UNC13B: variants seen among roughly 807,000 people sequenced by gnomAD.
UNC13B encodes protein unc-13 homolog B.
Under a neutral mutation model 211.0 loss-of-function variants are expected in UNC13B, and 144 were observed. That is an observed-to-expected ratio of 0.68 (90% CI 0.60 to 0.78). The LOEUF (loss-of-function observed/expected upper bound fraction) is 0.78, where lower values mean the gene tolerates loss of function less well. Ranked by LOEUF, UNC13B falls within the 30% of genes least tolerant of loss-of-function variation. UNC13B has a pLI of 0.00. For synonymous variants in UNC13B, 709 were observed against 725.8 expected, an observed-to-expected ratio of 0.98 and a Z score of 0.37; for missense variants, 1,777 against 2,002.0, an observed-to-expected ratio of 0.89 and a Z score of 2.14.
intron 6 of UNC13B, among the ~76,000 whole-genome samples, chr9:35,257,206 C>A (rs764227585): frequency 4.0e-4 from 61 of 151,418 alleles, no homozygotes; most frequent in Non-Finnish European, 6.5e-4. Flanking sequence ...CACCTGTAAT[C>A]CCAGCACTTT....
At chr9:35,347,976 A>G (rs1383634321) in intron 11 of UNC13B, among the ~76,000 whole-genome samples, 2 of 152,120 alleles carry the variant, frequency 1.3e-5, no homozygotes, top group Non-Finnish European at 2.9e-5. Context: ...GGTGGCTCAC[A>G]CCTGTAATCC....
intron 6 of UNC13B, among the ~76,000 whole-genome samples, chr9:35,245,310 C>G (rs970370616): frequency 5.3e-5 from 8 of 150,816 alleles, no homozygotes; most frequent in African/African-American, 1.9e-4. Context: ...CTGTGGTTCC[C>G]AACTGCATAT....
intron 6 of UNC13B, among the ~76,000 whole-genome samples, chr9:35,246,101 G>GT (rs1177036658): frequency 6.6e-6 from 1 of 152,170 alleles, no homozygotes; most frequent in Non-Finnish European, 1.5e-5. Context: ...CTGATGGCCA[G>GT]TGATGATGAG....
chr9:35,200,980 G>A (rs1029178156), intron 1 of UNC13B, among the ~76,000 whole-genome samples: 2 of 152,130 alleles, frequency 1.3e-5, no homozygotes, highest in African/African-American at 2.4e-5. Flanking sequence ...GTTTGTCATA[G>A]ATAGCTCTTA....
At chr9:35,297,901 T>C (rs962547674) in intron 8 of UNC13B, among the ~76,000 whole-genome samples, 2 of 152,008 alleles carry the variant, frequency 1.3e-5, no homozygotes, top group African/African-American at 4.8e-5. Flanking sequence ...GGTTAAAAAA[T>C]TTGGTATATG....
chr9:35,247,587 C>A (rs937220305), intron 6 of UNC13B, among the ~76,000 whole-genome samples: 43 of 152,210 alleles, frequency 2.8e-4, no homozygotes, highest in African/African-American at 9.6e-4. Flanking sequence ...TTGTCAAAGA[C>A]CTTTTCTGCA....
rs140824290 is a variant in UNC13B, at chr9:35,310,581, G to A, written c.9123G>A (p.Ser3041=). Residue 3041 remains serine, a synonymous_variant, in exon 10 of 40, where the codon TCG becomes TCA. Coordinates refer to ENST00000635942, the MANE Select transcript of UNC13B (RefSeq NM_001371189.2). ...ATGACGACCATCGGGAGACGGACTC[G>A]ATTCATTCTTGCCACAGCTCTCACA... The part of the protein sequence containing the change: ...EQDDDHRETD[S]IHSCHSSHSL... 26 of 1,614,020 alleles carry A rather than the reference G, an allele frequency of 1.6e-5. No homozygotes were observed. The highest frequency in any genetic ancestry group is 1.0e-4 in the Admixed American group (6 of 59,996).
chr9:35,292,948 A>G (rs1829167776), intron 7 of UNC13B, among the ~76,000 whole-genome samples: 1 of 152,266 alleles, frequency 6.6e-6, no homozygotes. Flanking sequence ...TCAGTGACAC[A>G]TTAAAAACAC....
chr9:35,237,865 T>C (rs576466584), intron 5 of UNC13B, 39 bp downstream of exon 5: 17 of 1,572,344 alleles, frequency 1.1e-5, no homozygotes, highest in Non-Finnish European at 1.4e-5. Flanking sequence ...ATTTTTACCA[T>C]ATTGTTTGGA....
intron 26 of UNC13B, among the ~76,000 whole-genome samples, chr9:35,391,309 T>C (rs1835517962): frequency 6.6e-6 from 1 of 152,258 alleles, no homozygotes; most frequent in Non-Finnish European, 1.5e-5. Context: ...TAGACCTTCC[T>C]ATCTGTACCC....
In UNC13B at chr9:35,386,076, A is replaced by T. The variant is rs1457377311; in HGVS notation, c.10966-89A>T. ...CTAGGGACCCAGACAGGGATGAAAG[A>T]ATCTAGAGTAGGTTTGGGGTAGTGC... On this transcript the variant is annotated intron_variant, in intron 23 of 39. Transcript: ENST00000635942. The T allele has an allele frequency of 1.9e-6, 3 of 1,566,494 alleles. No homozygotes were observed. The African/African-American group carries it at 4.1e-5, about 21-fold the overall frequency.
In UNC13B at chr9:35,380,564, T is replaced by C. The variant is rs1189126558; in HGVS notation, c.10300T>C (p.Ser3434Pro). The C allele has an allele frequency of 1.9e-6, 3 of 1,613,692 alleles. No homozygotes were observed. The highest frequency in any genetic ancestry group is 4.5e-5 in the East Asian group (2 of 44,872). Residue 3434 changes from serine to proline, a missense_variant, in exon 18 of 40, where the codon TCT becomes CCT. By Grantham distance (74) the Ser-to-Pro change is moderately conservative (BLOSUM62 -1). Coordinates refer to ENST00000635942, the MANE Select transcript of UNC13B (RefSeq NM_001371189.2). Reference protein sequence around the residue: ...SRVKQRLKRESDDFLGQTIIE... With the variant: ...SRVKQRLKREPDDFLGQTIIE... The stretch of plus-strand genomic sequence containing the variant: ...AGTAAAGCAACGCCTAAAGCGAGAG[T>C]CTGATGATTTCCTTGGCCAAACCAT...
chr9:35,201,760 A>C (rs1022025536), intron 1 of UNC13B, among the ~76,000 whole-genome samples: 1 of 151,686 alleles, frequency 6.6e-6, no homozygotes, highest in Non-Finnish European at 1.5e-5. Flanking sequence ...CGGTCTATCA[A>C]TTTTGTTGAT....
At chr9:35,210,171 T>C (rs1439280655) in intron 1 of UNC13B, among the ~76,000 whole-genome samples, 1 of 152,218 alleles carries the variant, frequency 6.6e-6, no homozygotes. Context: ...ATTGACCTTA[T>C]TCCATATTTT....
rs551955553 is a variant in UNC13B, at chr9:35,317,259, G to C, written c.9414+3270G>C. On this transcript the variant is annotated intron_variant, in intron 11 of 39. Coordinates refer to ENST00000635942, the MANE Select transcript of UNC13B (RefSeq NM_001371189.2). ...TCTGTCGCTTAGGCTGGAGTGCAGT[G>C]GCATGATCATAGCTCACTGCAGCGT... Among the ~76,000 whole-genome samples, 370 of 152,180 alleles carry C rather than the reference G, an allele frequency of 2.4e-3. 4 individuals are homozygous for C. The highest frequency in any genetic ancestry group is 3.9e-3 in the Non-Finnish European group (262 of 68,024).
At chr9:35,243,411 C>T (rs1206984048) in intron 6 of UNC13B, 47 bp downstream of exon 6, 1 of 1,598,944 alleles carries the variant, frequency 6.3e-7, no homozygotes, top group Non-Finnish European at 8.6e-7. Context: ...GGAAAATCTC[C>T]AATGCTCTTT....
At chr9:35,394,301 C>T (rs558563809) in intron 26 of UNC13B, among the ~76,000 whole-genome samples, 20 of 152,118 alleles carry the variant, frequency 1.3e-4, no homozygotes, top group African/African-American at 2.4e-4. Flanking sequence ...ATGTTCCATC[C>T]GAAGCTTATA....
intron 6 of UNC13B, among the ~76,000 whole-genome samples, chr9:35,250,957 CTTTTTTT>C (rs35077779): frequency 3.9e-5 from 3 of 77,060 alleles, no homozygotes; most frequent in African/African-American, 5.3e-5. Context: ...GTTACTCTTC[CTTTTTTT>C]TTTTTTTTTT....
chr9:35,297,174 A>G (rs1222104370), intron 8 of UNC13B, among the ~76,000 whole-genome samples: 1 of 144,794 alleles, frequency 6.9e-6, no homozygotes, highest in African/African-American at 2.6e-5. Flanking sequence ...CTACAACCTC[A>G]GCATCCCCGG....
Sources: allele counts gnomAD v4.1 joint callset (sites outside exome capture counted in the v4.1 genomes callset), GRCh38; gene constraint gnomAD v4.1.1; transcripts MANE v1.5; gene names NCBI Gene and HGNC (gene_info 2026-07-23, HGNC 2026-07-21).